Variants in TEX26 observed in about 807,000 individuals in gnomAD.
TEX26 encodes testis expressed 26, also known as testis-expressed protein 26.
TEX26 carries 34 observed loss-of-function variants against 35.3 expected under a neutral mutation model. The ratio of observed to expected loss-of-function variants is 0.96; its 90% confidence interval spans 0.73 to 1.28. The LOEUF (loss-of-function observed/expected upper bound fraction) is 1.28, where lower values mean the gene tolerates loss of function less well. TEX26 is among the 50% of genes most tolerant of loss of function. TEX26 has a pLI of 0.00. For synonymous variants in TEX26, 136 were observed against 111.8 expected (o/e 1.22, Z -1.36); for missense variants, 371 against 330.1 (o/e 1.12, Z -0.96).
intron 4 of TEX26, among the ~76,000 whole-genome samples, chr13:30,964,525 G>A (rs1954460480): frequency 6.6e-6 from 1 of 152,200 alleles, no homozygotes; most frequent in Non-Finnish European, 1.5e-5. Context: ...GGTAGCTCTA[G>A]GGAAGAGATA....
Position 30,952,740 on chromosome 13 carries a change from A to C in TEX26, c.227A>C (p.Tyr76Ser). ...ILNQTQYSDE[Y>S]TWKSHSKEDL... ...AATCAGACACAATATAGTGATGAGT[A>C]CACTTGGAAATCACACTCTAAAGAA... Residue 76 changes from tyrosine (Y) to serine (S), a missense_variant, in exon 3 of 7, where the codon TAC becomes TCC. Tyr to Ser is a moderately radical substitution (Grantham distance 144). Transcript: ENST00000380473. 6.2e-7 allele frequency: 1 copy of C among 1,613,054 alleles called. No individual in the cohort carries two copies.
At chr13:30,938,429 CA>C (rs1333950767) in intron 1 of TEX26, among the ~76,000 whole-genome samples, 2 of 152,114 alleles carry the variant, frequency 1.3e-5, no homozygotes, top group African/African-American at 4.8e-5. Flanking sequence ...ATGGCACTGG[CA>C]TTGGGTGAGG....
At chr13:30,962,320 T>C (rs1412381084) in intron 4 of TEX26, among the ~76,000 whole-genome samples, 3 of 152,190 alleles carry the variant, frequency 2.0e-5, no homozygotes, top group African/African-American at 4.8e-5. Flanking sequence ...CTGCCTCCTC[T>C]CTTGTCAGCC....
chr13:30,969,612 A>G lies in TEX26; in HGVS notation c.808+566A>G, dbSNP rs1365448906. Among the ~76,000 whole-genome samples the G allele has an allele frequency of 4.6e-5, 7 of 152,296 alleles. No individual in the cohort carries two copies. In the East Asian group the frequency reaches 1.4e-3, roughly 29 times the overall value. ...GGGCAACAGGTCAGTCTGAGAGTGT[A>G]TAAAATGTGAACTCAGAGAATAAGA... On this transcript the variant is annotated intron_variant, in intron 6 of 6. Transcript: ENST00000380473.
At chr13:30,968,350 A>C (rs1954608226) in intron 5 of TEX26, among the ~76,000 whole-genome samples, 1 of 152,144 alleles carries the variant, frequency 6.6e-6, no homozygotes, top group African/African-American at 2.4e-5. Flanking sequence ...TAGACCTATG[A>C]AGTCCGATCG....
At chr13:30,932,802 G>T (rs1040704539) in intron 1 of TEX26, 26 bp downstream of exon 1, 1 of 1,610,180 alleles carries the variant, frequency 6.2e-7, no homozygotes, top group Non-Finnish European at 8.5e-7. Flanking sequence ...CTGCCGGTCT[G>T]CGGGGCGGGG....
intron 4 of TEX26, among the ~76,000 whole-genome samples, chr13:30,961,608 A>G (rs895342586): frequency 6.6e-6 from 1 of 152,182 alleles, no homozygotes; most frequent in African/African-American, 2.4e-5. Flanking sequence ...AGGAGTCCTA[A>G]CTGCAGGGAT....
chr13:30,962,281 T>A (rs1954373177), intron 4 of TEX26, among the ~76,000 whole-genome samples: 1 of 152,164 alleles, frequency 6.6e-6, no homozygotes, highest in African/African-American at 2.4e-5. Flanking sequence ...CTTACATGAG[T>A]CCTGTACAAT....
intron 6 of TEX26, among the ~76,000 whole-genome samples, chr13:30,970,612 C>A (rs945990801): frequency 5.3e-5 from 8 of 152,112 alleles, no homozygotes; most frequent in African/African-American, 1.9e-4. Context: ...TCTGTTGGAC[C>A]CTGTAGAAAG....
intron 6 of TEX26, among the ~76,000 whole-genome samples, chr13:30,974,131 A>AAAATAT: frequency 2.3e-3 from 198 of 84,394 alleles, no homozygotes; most frequent in African/African-American, 8.3e-3. Flanking sequence ...AAAAAAAAAA[A>AAAATAT]ATATATATAT....
rs116245395 is a variant in TEX26, at chr13:30,941,813, A to G, written c.146+2035A>G. ...GAATAATGGCCTCCAGCTCCATCCA[A>G]GTTGCTGCGAAAGACATTATTTCAT... On this transcript the variant is annotated intron_variant, in intron 2 of 6. Coordinates refer to ENST00000380473, the MANE Select transcript of TEX26 (RefSeq NM_152325.3). Among the ~76,000 whole-genome samples, 1,350 of 152,124 alleles carry G rather than the reference A, an allele frequency of 8.9e-3. 21 individuals carry two copies. The highest frequency in any genetic ancestry group is 0.03 in the African/African-American group (1,256 of 41,488).
chr13:30,974,596 A>G (rs1429578712), intron 6 of TEX26, among the ~76,000 whole-genome samples: 1 of 152,214 alleles, frequency 6.6e-6, no homozygotes, highest in East Asian at 1.9e-4. Context: ...AGCCTGTTTC[A>G]TTCTGAAATT....
chr13:30,932,800 C>T, intron 1 of TEX26, 24 bp downstream of exon 1: 2 of 1,611,438 alleles, frequency 1.2e-6, no homozygotes, highest in Non-Finnish European at 1.7e-6. Flanking sequence ...CTCTGCCGGT[C>T]TGCGGGGCGG....
chr13:30,936,667 C>T, intron 1 of TEX26: 1 of 985,324 alleles, frequency 1.0e-6, no homozygotes, highest in South Asian at 4.7e-5. Flanking sequence ...TTCTCCAAGG[C>T]CAGGTCAAGA....
intron 5 of TEX26, among the ~76,000 whole-genome samples, chr13:30,967,594 T>C (rs1954582543): frequency 6.6e-6 from 1 of 152,172 alleles, no homozygotes; most frequent in Admixed American, 6.5e-5. Flanking sequence ...CTACAAACAC[T>C]CTTCTCAGGG....
intron 3 of TEX26, 99 bp from the exon 4 acceptor site, chr13:30,956,774 A>G: frequency 8.8e-7 from 1 of 1,142,700 alleles, no homozygotes. Flanking sequence ...AGCTGGTTGT[A>G]AAGGATTCTG....
chr13:30,933,958 C>G (rs984677801), intron 1 of TEX26: 1 of 152,308 alleles, frequency 6.6e-6, no homozygotes, highest in Non-Finnish European at 1.5e-5. Flanking sequence ...AACTCTCTAA[C>G]CTTTATCTCT....
chr13:30,970,168 A>AGT (rs57600535), intron 6 of TEX26, among the ~76,000 whole-genome samples: 219 of 146,510 alleles, frequency 1.5e-3, no homozygotes, highest in African/African-American at 5.0e-3. Context: ...GGTGTGTGTG[A>AGT]GTGTGTGTGT....
intron 5 of TEX26, among the ~76,000 whole-genome samples, chr13:30,966,892 C>T (rs997239217): frequency 5.3e-5 from 8 of 152,172 alleles, no homozygotes; most frequent in African/African-American, 1.7e-4. Flanking sequence ...GCTGCAGCTC[C>T]CAACCTGTAA....
Sources: allele counts gnomAD v4.1 joint callset (sites outside exome capture counted in the v4.1 genomes callset), GRCh38; gene constraint gnomAD v4.1.1; transcripts MANE v1.5; gene names NCBI Gene and HGNC (gene_info 2026-07-23, HGNC 2026-07-21).